CCDC149: variants seen among roughly 807,000 people sequenced by gnomAD.
The protein encoded by CCDC149 is coiled-coil domain-containing protein 149.
In CCDC149, 45 loss-of-function variants were observed where a neutral mutation model predicts 59.9. The ratio of observed to expected loss-of-function variants is 0.75; its 90% CI spans 0.59 to 0.96. The LOEUF is 0.96. CCDC149 is among the 40% of genes least tolerant of loss of function. The pLI, the probability that CCDC149 is intolerant of heterozygous loss-of-function variation, is 0.00. For synonymous variants in CCDC149, 245 were observed against 260.6 expected, an observed-to-expected ratio of 0.94 and a Z score of 0.58; for missense variants, 584 against 664.7, an observed-to-expected ratio of 0.88 and a Z score of 1.33.
chr4:24,897,079 C>T (rs187605555), intron 1 of CCDC149, among the ~76,000 whole-genome samples: 242 of 152,158 alleles, frequency 1.6e-3, no homozygotes, highest in Middle Eastern at 0.014. Flanking sequence ...CAACCCATGG[C>T]GGCCAGGGAG....
At chr4:24,894,828 TG>T (rs1720745786) in intron 1 of CCDC149, among the ~76,000 whole-genome samples, 1 of 151,868 alleles carries the variant, frequency 6.6e-6, no homozygotes, top group Non-Finnish European at 1.5e-5. Context: ...AAGCAGGCCT[TG>T]AAGAAAAAAA....
chr4:24,958,200 G>A (rs965607545), intron 1 of CCDC149, among the ~76,000 whole-genome samples: 2 of 152,182 alleles, frequency 1.3e-5, no homozygotes, highest in Non-Finnish European at 2.9e-5. Flanking sequence ...CAGTAGAGAC[G>A]AATACTTAGC....
At chr4:24,817,511 T>C in intron 12 of CCDC149, among the ~76,000 whole-genome samples, 1 of 152,070 alleles carries the variant, frequency 6.6e-6, no homozygotes, top group African/African-American at 2.4e-5. Flanking sequence ...GATCAGGCTC[T>C]CAAACCTGTT....
rs778350206 is a variant in CCDC149 at position 24,836,484 on chromosome 4, T to C, written c.687A>G (p.Gln229=). ...TCAAGAGGTTGACCTCTTCATGGAGTTGCTTTAATCTCTCTTGAAGGTACC... is the reference window on the plus strand; with the variant it reads ...TCAAGAGGTTGACCTCTTCATGGAGCTGCTTTAATCTCTCTTGAAGGTACC... Residue 229 remains glutamine (Q), a synonymous_variant, in exon 7 of 13, where the codon CAA becomes CAG. Coordinates refer to ENST00000635206, the MANE Select transcript of CCDC149 (RefSeq NM_001330643.2). 2 of 1,612,330 alleles carry C rather than the reference T, an allele frequency of 1.2e-6. No homozygotes were observed. The highest frequency in any genetic ancestry group is 2.7e-5 in the African/African-American group (2 of 74,884).
At chr4:24,879,300 G>A (rs1018464780) in intron 1 of CCDC149, among the ~76,000 whole-genome samples, 8 of 152,038 alleles carry the variant, frequency 5.3e-5, no homozygotes, top group Non-Finnish European at 8.8e-5. Flanking sequence ...CAGAACACCT[G>A]AGGTCTCAGG....
At chr4:24,911,374 T>C (rs896262251) in intron 1 of CCDC149, among the ~76,000 whole-genome samples, 3 of 152,206 alleles carry the variant, frequency 2.0e-5, no homozygotes, top group Non-Finnish European at 4.4e-5. Flanking sequence ...GGGAGTTCTT[T>C]GTCTTATTCA....
chr4:24,808,961 A>G lies in CCDC149; in HGVS notation c.1193-142T>C, dbSNP rs184055036. On this transcript the variant is annotated intron_variant, in intron 12 of 12. Coordinates refer to ENST00000635206, the MANE Select transcript of CCDC149 (RefSeq NM_001330643.2). The stretch of plus-strand genomic sequence containing the variant: ...ACTTTTTTGGCTCCCTGTGCAGGGC[A>G]ATGGAGCCAAAGGGGAACACAGGAC... The G allele has an allele frequency of 2.4e-5, 17 of 705,286 alleles. No individual in the cohort carries two copies. In the African/African-American group the frequency reaches 3.0e-4, roughly 13 times the overall value. 43.7% of individuals were successfully genotyped at this position (705,286 alleles called of 1,614,324 possible). A position where few individuals can be genotyped will look rare whatever the true frequency, so the allele number is the denominator to read the frequency against.
chr4:24,894,165 T>G lies in CCDC149; in HGVS notation c.64-17468A>C, dbSNP rs151033807. ...GCACAGGACTCAAAGCATTAAAAAGTGCTCAATGAATGTTTCCTTTTTCCT... is the reference window on the plus strand; with the variant it reads ...GCACAGGACTCAAAGCATTAAAAAGGGCTCAATGAATGTTTCCTTTTTCCT... On this transcript the variant is annotated intron_variant, in intron 1 of 12. Coordinates refer to ENST00000635206, the MANE Select transcript of CCDC149 (RefSeq NM_001330643.2). 4.7e-3 allele frequency among the ~76,000 whole-genome samples: 723 copies of G among 152,320 alleles called. 4 individuals are homozygous for G. The highest frequency in any genetic ancestry group is 0.017 in the Middle Eastern group (5 of 294).
chr4:24,805,528 C>G (rs1714111178), downstream of CCDC149, among the ~76,000 whole-genome samples: 1 of 152,186 alleles, frequency 6.6e-6, no homozygotes, highest in African/African-American at 2.4e-5. Context: ...AGATATGATT[C>G]TGTTTTGGTG....
intron 1 of CCDC149, among the ~76,000 whole-genome samples, chr4:24,942,118 C>T (rs1421952420): frequency 1.3e-5 from 2 of 152,204 alleles, no homozygotes; most frequent in African/African-American, 2.4e-5. Context: ...GACCAATATC[C>T]TTGATGAACA....
At chr4:24,899,713 G>A (rs116788824) in intron 1 of CCDC149, among the ~76,000 whole-genome samples, 8 of 152,118 alleles carry the variant, frequency 5.3e-5, no homozygotes, top group Non-Finnish European at 8.8e-5. Flanking sequence ...CTGACAGATC[G>A]GTTCCCTCCC....
chr4:24,889,447 G>A (rs1035740027), intron 1 of CCDC149, among the ~76,000 whole-genome samples: 6 of 152,106 alleles, frequency 3.9e-5, no homozygotes, highest in African/African-American at 4.8e-5. Context: ...AGATGCTGCC[G>A]GTACGCCTTG....
intron 8 of CCDC149, among the ~76,000 whole-genome samples, chr4:24,832,457 C>T (rs1299677013): frequency 1.3e-5 from 2 of 152,150 alleles, no homozygotes; most frequent in African/African-American, 2.4e-5. Flanking sequence ...ATCCCATTCA[C>T]GGCCAAGTTC....
chr4:24,876,447 C>A, intron 2 of CCDC149, 89 bp downstream of exon 2: 1 of 1,407,748 alleles, frequency 7.1e-7, no homozygotes, highest in Non-Finnish European at 9.6e-7. Context: ...TTGCATTTAA[C>A]CATTTCTAAA....
At chr4:24,813,496 A>ATATATATATATATC (rs1714776896) in intron 12 of CCDC149, among the ~76,000 whole-genome samples, 1 of 11,256 alleles carries the variant, frequency 8.9e-5, no homozygotes, top group African/African-American at 2.5e-4. Context: ...GGGAATATAT[A>ATATATATATATATC]TATATATATA....
chr4:24,851,456 G>C (rs1229295095), intron 4 of CCDC149, among the ~76,000 whole-genome samples: 3 of 152,128 alleles, frequency 2.0e-5, no homozygotes, highest in Non-Finnish European at 1.5e-5. Context: ...TGAACTGTCA[G>C]TTGCAAACGT....
intron 1 of CCDC149, among the ~76,000 whole-genome samples, chr4:24,907,688 T>C (rs151326168): frequency 7.2e-5 from 11 of 152,194 alleles, no homozygotes; most frequent in Non-Finnish European, 1.0e-4. Flanking sequence ...ATGGAATTAC[T>C]AGTCATGTTG....
At chr4:24,889,123 C>G (rs193189736) in intron 1 of CCDC149, among the ~76,000 whole-genome samples, 4 of 152,198 alleles carry the variant, frequency 2.6e-5, no homozygotes, top group African/African-American at 9.6e-5. Context: ...CTTGGCTAAC[C>G]GAAGTTTTGA....
chr4:24,929,508 AG>A (rs1722525099), intron 1 of CCDC149, among the ~76,000 whole-genome samples: 1 of 152,272 alleles, frequency 6.6e-6, no homozygotes, highest in South Asian at 2.1e-4. Context: ...CTGTGGAGAT[AG>A]GTGATTGAAT....
Sources: gnomAD v4.1 joint callset for allele counts (sites outside exome capture counted in the v4.1 genomes callset) on GRCh38, gnomAD v4.1.1 for gene constraint, MANE v1.5 for transcripts, NCBI Gene and HGNC (gene_info 2026-07-23, HGNC 2026-07-21) for gene names.